YWHAG: variants seen among roughly 807,000 people sequenced by gnomAD.
YWHAG encodes tyrosine 3-monooxygenase/tryptophan 5-monooxygenase activation protein gamma.
In YWHAG, 1 loss-of-function variant was observed where a neutral mutation model predicts 23.3. That is an observed-to-expected ratio of 0.04 (90% CI 0.02 to 0.20). YWHAG has a LOEUF of 0.20. Among genes scored for constraint, YWHAG ranks in the 10% least tolerant of loss-of-function variants. The pLI, the probability that YWHAG is intolerant of heterozygous loss-of-function variation, is 1.00. For synonymous variants in YWHAG, 160 were observed against 144.0 expected (o/e 1.11, Z -0.80); for missense variants, 151 against 338.6 (o/e 0.45, Z 4.35).
At chr7:76,333,684 G>T (rs1451505677) in intron 1 of YWHAG, among the ~76,000 whole-genome samples, 1 of 152,212 alleles carries the variant, frequency 6.6e-6, no homozygotes, top group Non-Finnish European at 1.5e-5. Context: ...GGAAGGAGCT[G>T]AGCCCTTGGG....
chr7:76,349,460 CA>C (rs1803841974), intron 1 of YWHAG, among the ~76,000 whole-genome samples: 1 of 151,024 alleles, frequency 6.6e-6, no homozygotes, highest in Non-Finnish European at 1.5e-5. Flanking sequence ...CACACACACA[CA>C]CACACAGCCA....
At chr7:76,339,185 A>C (rs1302305824) in intron 1 of YWHAG, among the ~76,000 whole-genome samples, 1 of 152,176 alleles carries the variant, frequency 6.6e-6, no homozygotes, top group African/African-American at 2.4e-5. Flanking sequence ...AATAATGGTA[A>C]TAGGCTGGGC....
chr7:76,348,292 C>T (rs1421560726), intron 1 of YWHAG, among the ~76,000 whole-genome samples: 2 of 138,696 alleles, frequency 1.4e-5, no homozygotes, highest in Non-Finnish European at 3.0e-5. Flanking sequence ...TTGGAGATAG[C>T]GTGTCGCCCA....
chr7:76,346,976 T>C (rs1803788077), intron 1 of YWHAG, among the ~76,000 whole-genome samples: 1 of 152,160 alleles, frequency 6.6e-6, no homozygotes, highest in Non-Finnish European at 1.5e-5. Context: ...CAGTTCTCCT[T>C]TTCCATCCTG....
rs749415903 is a variant in YWHAG at position 76,329,799 on chromosome 7, G to T, written c.522C>A (p.Gly174=). Residue 174 remains glycine (G), a synonymous_variant, in exon 2 of 2, where the codon GGC becomes GGA. Transcript: ENST00000307630. This position sits in a 1 kb window ranked among gnomAD's most constrained non-coding sequence, Gnocchi z 6.1. The part of the protein sequence containing the change: ...HMQPTHPIRL[G]LALNYSVFYY... ...AGAAGACGGAGTAGTTAAGAGCCAG[G>T]CCTAATCGGATGGGGTGGGTGGGCT... 1.2e-6 allele frequency: 2 copies of T among 1,613,858 alleles called. No homozygotes were observed. Among genetic ancestry groups the T allele is most frequent in the African/African-American group, 2.7e-5 (2 of 74,838 alleles).
intron 1 of YWHAG, among the ~76,000 whole-genome samples, chr7:76,336,586 C>T (rs1449949359): frequency 6.6e-6 from 1 of 151,314 alleles, no homozygotes; most frequent in East Asian, 1.9e-4. Flanking sequence ...TCCAAAGTAG[C>T]TGGGATTACA....
In YWHAG at chr7:76,356,150, A is replaced by T. The variant is rs113639061; in HGVS notation, c.87+2572T>A. Among the ~76,000 whole-genome samples, 492 of 152,338 alleles carry T rather than the reference A, an allele frequency of 3.2e-3. 3 individuals carry two copies. The highest frequency in any genetic ancestry group is 5.4e-3 in the Non-Finnish European group (370 of 68,036). On this transcript the variant is annotated intron_variant, in intron 1 of 1. Transcript: ENST00000307630. ...TCGGCCTTAAAAGAGAGCTCACTTG[A>T]GTGGTAAGATTGGTTTCTTTCTCTG...
chr7:76,352,114 A>G (rs964528503), intron 1 of YWHAG, among the ~76,000 whole-genome samples: 1 of 152,240 alleles, frequency 6.6e-6, no homozygotes, highest in Non-Finnish European at 1.5e-5. Flanking sequence ...AGCAGTCTGT[A>G]TAGAAACAGT....
intron 1 of YWHAG, among the ~76,000 whole-genome samples, chr7:76,346,375 G>A (rs149746407): frequency 2.0e-5 from 3 of 152,168 alleles, no homozygotes; most frequent in Non-Finnish European, 2.9e-5. Flanking sequence ...GATACAAAGC[G>A]GCTCCCTCTT....
At chr7:76,357,992 G>A (rs997188064) in intron 1 of YWHAG, among the ~76,000 whole-genome samples, 1 of 152,156 alleles carries the variant, frequency 6.6e-6, no homozygotes, top group Non-Finnish European at 1.5e-5. Flanking sequence ...AAACATTAGG[G>A]AATAAAATGG....
chr7:76,341,315 A>G (rs888083529), intron 1 of YWHAG, among the ~76,000 whole-genome samples: 9 of 150,188 alleles, frequency 6.0e-5, no homozygotes, highest in African/African-American at 2.2e-4. Flanking sequence ...GAGACACGAG[A>G]ATCACTTGAA....
intron 1 of YWHAG, among the ~76,000 whole-genome samples, chr7:76,357,645 G>C (rs566489024): frequency 2.0e-5 from 3 of 151,936 alleles, no homozygotes; most frequent in Non-Finnish European, 4.4e-5. Context: ...AGATGTACTC[G>C]CTTAAACAAA....
rs954510339 is a variant in YWHAG at position 76,326,853 on chromosome 7, T to C, written c.*2724A>G. On this transcript the variant is annotated 3_prime_UTR_variant, in exon 2 of 2. Transcript: ENST00000307630. Reference sequence around the variant, plus strand: ...ACGACAGCTACATAATGACTCACATTCATGATATTCCATCACTGAGGAAAC... The same window carrying C: ...ACGACAGCTACATAATGACTCACATCCATGATATTCCATCACTGAGGAAAC... The C allele has an allele frequency of 6.6e-6, 1 of 152,658 alleles. No individual in the cohort carries two copies. The highest frequency in any genetic ancestry group is 2.4e-5 in the African/African-American group (1 of 41,458). 9.5% of individuals were successfully genotyped at this position (152,658 alleles called of 1,614,324 possible).
chr7:76,348,726 G>C (rs1335579904), intron 1 of YWHAG, among the ~76,000 whole-genome samples: 3 of 151,332 alleles, frequency 2.0e-5, no homozygotes, highest in Non-Finnish European at 4.4e-5. Flanking sequence ...TTTCTGTAGA[G>C]ACAGGGCTTC....
At position 76,328,708 on chromosome 7, in the gene YWHAG, C is replaced by T. The variant is rs2115584296; in HGVS notation, c.*869G>A. On this transcript the variant is annotated 3_prime_UTR_variant, in exon 2 of 2. Transcript: ENST00000307630. ...CCAACACGATCCATGACATACAGAC[C>T]TGAATTTTCTCTATTTTTGTGGCGT... 1 of 152,122 alleles carries T rather than the reference C, an allele frequency of 6.6e-6. No homozygotes were observed. 9.4% of individuals were successfully genotyped at this position (152,122 alleles called of 1,614,324 possible).
At position 76,327,668 on chromosome 7, in the gene YWHAG, G is replaced by GCCCCCCCCCCCCCCC. The variant is rs71085403; in HGVS notation, c.*1908_*1909insGGGGGGGGGGGGGGG. On this transcript the variant is annotated 3_prime_UTR_variant, in exon 2 of 2. Transcript: ENST00000307630. ...AATTAGGGAAAGCCCCACCTACCCT[G>GCCCCCCCCCCCCCCC]CCCCCCCCCCCCTCCCCCCCCAAAT... 1.3e-3 allele frequency: 61 copies of GCCCCCCCCCCCCCCC among 47,108 alleles called. No homozygotes were observed. The highest frequency in any genetic ancestry group is 2.2e-3 in the African/African-American group (17 of 7,896). 2.9% of individuals were successfully genotyped at this position (47,108 alleles called of 1,614,324 possible).
intron 1 of YWHAG, among the ~76,000 whole-genome samples, chr7:76,354,253 G>C (rs1803917258): frequency 6.6e-6 from 1 of 152,198 alleles, no homozygotes; most frequent in Non-Finnish European, 1.5e-5. Flanking sequence ...GCTCACGCCT[G>C]TAATCCCAGC....
Position 76,358,797 on chromosome 7 carries a change from G to A in YWHAG, c.12C>T (p.Arg4=). The change falls in exon 1 of 2, where the codon CGC becomes CGT. Residue 4 remains arginine (R), a synonymous_variant. Coordinates refer to ENST00000307630, the MANE Select transcript of YWHAG (RefSeq NM_012479.4). ...GCCGGGCTTTCTGCACCAGTTGCTC[G>A]CGGTCCACCATCTTCGCGGGGCTGG... MVD[R]EQLVQKARLA... is the part of the protein sequence containing the mutation. 6.3e-7 allele frequency: 1 copy of A among 1,595,196 alleles called. No homozygotes were observed. Among genetic ancestry groups the A allele is most frequent in the Non-Finnish European group, 8.5e-7 (1 of 1,172,186 alleles).
intron 1 of YWHAG, among the ~76,000 whole-genome samples, chr7:76,340,501 A>C (rs1348863772): frequency 6.6e-6 from 1 of 152,236 alleles, no homozygotes; most frequent in Non-Finnish European, 1.5e-5. Context: ...TTTTTCTAAT[A>C]AACTTTTGTG....
Sources: gnomAD v4.1 joint callset for allele counts (sites outside exome capture counted in the v4.1 genomes callset) on GRCh38, gnomAD v4.1.1 for gene constraint, Gnocchi (gnomAD v3.1) non-coding constraint, MANE v1.5 for transcripts, NCBI Gene and HGNC (gene_info 2026-07-23, HGNC 2026-07-21) for gene names.